The following DAB1 variants were observed in gnomAD, a reference collection of about 807,000 sequenced individuals.
The protein encoded by DAB1 is disabled homolog 1.
In DAB1, 15 loss-of-function variants were observed where a neutral mutation model predicts 64.6. The observed-to-expected ratio is 0.23, with a 90% CI of 0.16 to 0.36. The LOEUF (loss-of-function observed/expected upper bound fraction) is 0.36. DAB1 is among the 10% of genes least tolerant of loss of function. DAB1 has a pLI of 1.00. For missense variants in DAB1, 596 were observed against 706.7 expected, an observed-to-expected ratio of 0.84 and a Z score of 1.78; for synonymous variants, 235 against 251.9, an observed-to-expected ratio of 0.93 and a Z score of 0.64.
chr1:57,817,287 G>A lies in DAB1; in HGVS notation n.551+66712C>T, dbSNP rs1651909808. On this transcript the variant is annotated intron_variant and non_coding_transcript_variant, in intron 6 of 20. Coordinates refer to the DAB1 transcript ENST00000485760. Reference sequence around the variant, plus strand: ...GAGAAGGCAAAGATCCAAAGCATTGGTAATGTGGAGGTTCCTTCCTGGACC... The same window carrying A: ...GAGAAGGCAAAGATCCAAAGCATTGATAATGTGGAGGTTCCTTCCTGGACC... Among the ~76,000 whole-genome samples, 3 of 152,240 alleles carry A rather than the reference G, an allele frequency of 2.0e-5. No homozygotes were observed. The South Asian group carries it at 6.2e-4, about 31-fold the overall frequency.
chr1:57,090,395 T>G (rs940098220), intron 4 of DAB1, among the ~76,000 whole-genome samples: 41 of 152,268 alleles, frequency 2.7e-4, no homozygotes, highest in Admixed American at 2.6e-3. Flanking sequence ...TCCGCAAAAG[T>G]AGGCATCTAG....
At chr1:58,483,821 T>C (rs1401028656) in intron 3 of DAB1, among the ~76,000 whole-genome samples, 1 of 152,236 alleles carries the variant, frequency 6.6e-6, no homozygotes, top group South Asian at 2.1e-4. Context: ...ACGGTCACTC[T>C]TGCATTAGTT....
At chr1:58,537,468 T>C (rs572215846) in intron 1 of DAB1, among the ~76,000 whole-genome samples, 1 of 152,326 alleles carries the variant, frequency 6.6e-6, no homozygotes, top group South Asian at 2.1e-4. Flanking sequence ...AACAAGATCC[T>C]AGGTATTCAT....
intron 7 of DAB1, among the ~76,000 whole-genome samples, chr1:57,431,917 T>C (rs947557565): frequency 6.7e-5 from 10 of 150,156 alleles, no homozygotes; most frequent in African/African-American, 2.5e-4. Context: ...AGGTCAGGAG[T>C]TCAAGAGCAG....
intron 14 of DAB1, among the ~76,000 whole-genome samples, chr1:57,006,990 C>T (rs1646094239): frequency 6.6e-6 from 1 of 152,058 alleles, no homozygotes; most frequent in Admixed American, 6.5e-5. Context: ...TTCTTCCTTT[C>T]TTTCCTTTTC....
intron 7 of DAB1, among the ~76,000 whole-genome samples, chr1:57,568,588 C>A (rs1463337768): frequency 1.3e-5 from 2 of 152,092 alleles, no homozygotes; most frequent in African/African-American, 4.8e-5. Flanking sequence ...AAGAAAAAAA[C>A]AAACAACCTC....
chr1:57,601,206 C>T (rs1018141142), intron 7 of DAB1, among the ~76,000 whole-genome samples: 1 of 152,150 alleles, frequency 6.6e-6, no homozygotes, highest in Non-Finnish European at 1.5e-5. Context: ...CCAGACTCCA[C>T]AGACTGCCTT....
intron 7 of DAB1, among the ~76,000 whole-genome samples, chr1:57,548,102 CTCTG>C (rs201625668): frequency 0.012 from 1,856 of 152,278 alleles, 16 homozygotes; most frequent in Admixed American, 0.02. Flanking sequence ...AAATATCTTT[CTCTG>C]TCTGTCTGCA....
chr1:57,731,914 A>G (rs370240247), intron 6 of DAB1, among the ~76,000 whole-genome samples: 2 of 152,284 alleles, frequency 1.3e-5, no homozygotes, highest in South Asian at 4.1e-4. Context: ...GTGTTTGAGA[A>G]TTATCTTTCC....
At chr1:57,904,456 C>T (rs540597756) in intron 5 of DAB1, among the ~76,000 whole-genome samples, 12 of 152,124 alleles carry the variant, frequency 7.9e-5, no homozygotes, top group South Asian at 6.2e-4. Flanking sequence ...TGTATTCTCA[C>T]GTATCAAAGC....
At chr1:57,920,870 T>C (rs988542543) in intron 5 of DAB1, among the ~76,000 whole-genome samples, 3 of 152,188 alleles carry the variant, frequency 2.0e-5, no homozygotes, top group Admixed American at 2.0e-4. Flanking sequence ...ACCCTTTTGA[T>C]GCACACAGGG....
chr1:58,208,031 T>C (rs1290839704), intron 4 of DAB1, among the ~76,000 whole-genome samples: 1 of 152,036 alleles, frequency 6.6e-6, no homozygotes, highest in African/African-American at 2.4e-5. Flanking sequence ...AGGAGGAGTG[T>C]AGAGTGAAAA....
chr1:57,660,544 A>T (rs1447832739), intron 6 of DAB1, among the ~76,000 whole-genome samples: 1 of 152,236 alleles, frequency 6.6e-6, no homozygotes, highest in Non-Finnish European at 1.5e-5. Context: ...TGGAGAGATC[A>T]GCCTAGGTGA....
At chr1:57,272,562 C>T (rs550024452) in intron 2 of DAB1, among the ~76,000 whole-genome samples, 3 of 152,284 alleles carry the variant, frequency 2.0e-5, no homozygotes, top group Non-Finnish European at 2.9e-5. Context: ...GAGATGGGTC[C>T]TATCACTCCT....
At chr1:58,380,492 C>T (rs987100391) in intron 3 of DAB1, among the ~76,000 whole-genome samples, 3 of 152,228 alleles carry the variant, frequency 2.0e-5, no homozygotes, top group Non-Finnish European at 4.4e-5. Context: ...TGGACTAATA[C>T]AGCCCTGGAT....
intron 6 of DAB1, among the ~76,000 whole-genome samples, chr1:57,705,174 G>A (rs145245212): frequency 2.9e-4 from 44 of 152,244 alleles, no homozygotes; most frequent in African/African-American, 7.9e-4. Flanking sequence ...AGAGCCAGAC[G>A]AACTAGTCTT....
intron 6 of DAB1, among the ~76,000 whole-genome samples, chr1:57,778,206 A>G (rs1439022597): frequency 6.6e-6 from 1 of 152,028 alleles, no homozygotes; most frequent in Non-Finnish European, 1.5e-5. Context: ...ATATACACAT[A>G]TGATATGATC....
Position 57,476,311 on chromosome 1 carries a change from T to G in DAB1, n.625+173281A>C, listed in dbSNP as rs549534720. 1.8e-4 allele frequency among the ~76,000 whole-genome samples: 27 copies of G among 151,850 alleles called. No individual in the cohort carries two copies. In the South Asian group the frequency reaches 5.4e-3, roughly 30 times the overall value. On this transcript the variant is annotated intron_variant and non_coding_transcript_variant, in intron 7 of 20. Coordinates refer to the DAB1 transcript ENST00000485760. ...ATGGGGAAAAAATGTATATTTTATA[T>G]TATCTGTAACATGCCCCAGAGTCCC...
At chr1:57,591,520 A>G (rs1030500804) in intron 7 of DAB1, among the ~76,000 whole-genome samples, 5 of 152,180 alleles carry the variant, frequency 3.3e-5, no homozygotes, top group African/African-American at 9.7e-5. Context: ...TGTATCCTAG[A>G]GCAATGGTAC....
Sources: allele counts gnomAD v4.1 joint callset (sites outside exome capture counted in the v4.1 genomes callset), GRCh38; gene constraint gnomAD v4.1.1; transcripts MANE v1.5; gene names NCBI Gene and HGNC (gene_info 2026-07-23, HGNC 2026-07-21).